Variants in IQSEC1 observed in about 807,000 individuals in gnomAD.
The protein encoded by IQSEC1 is IQ motif and Sec7 domain ArfGEF 1, also known as IQ motif and SEC7 domain-containing protein 1.
In IQSEC1, 31 loss-of-function variants were observed where a neutral mutation model predicts 91.0. The ratio of observed to expected loss-of-function variants is 0.34; its 90% confidence interval spans 0.26 to 0.46. IQSEC1 has a LOEUF of 0.46. Ranked by LOEUF, IQSEC1 falls within the 20% of genes least tolerant of loss-of-function variation. The probability of loss-of-function intolerance (pLI) is 1.00; values close to 1 mark genes in which losing one functional copy is unlikely to be tolerated. For synonymous variants in IQSEC1, 699 were observed against 662.6 expected, an observed-to-expected ratio of 1.05 and a Z score of -0.84; for missense variants, 1,388 against 1,575.6, an observed-to-expected ratio of 0.88 and a Z score of 2.02.
chr3:13,046,175 G>A (rs1228673231), intron 1 of IQSEC1, among the ~76,000 whole-genome samples: 2 of 152,240 alleles, frequency 1.3e-5, no homozygotes, highest in Admixed American at 6.5e-5. Context: ...GACGTCTGTG[G>A]AGTGGGCTAA....
intron 2 of IQSEC1, among the ~76,000 whole-genome samples, chr3:13,112,057 G>A (rs1027593445): frequency 6.6e-6 from 1 of 152,098 alleles, no homozygotes; most frequent in Non-Finnish European, 1.5e-5. Flanking sequence ...CTTTGCACAC[G>A]CTGTTCCCCT....
intron 1 of IQSEC1, among the ~76,000 whole-genome samples, chr3:13,204,805 CTTT>C (rs536785311): frequency 1.4e-5 from 2 of 139,140 alleles, no homozygotes. Flanking sequence ...ATCTTTCTTT[CTTT>C]TTTTTTTTTT....
chr3:12,927,776 G>A (rs1398849154), intron 3 of IQSEC1, among the ~76,000 whole-genome samples: 1 of 152,248 alleles, frequency 6.6e-6, no homozygotes, highest in Non-Finnish European at 1.5e-5. Flanking sequence ...TGCGGGTGCA[G>A]CTGAGAGGCC....
At chr3:13,025,187 G>A (rs1001545495) in intron 1 of IQSEC1, among the ~76,000 whole-genome samples, 16 of 152,346 alleles carry the variant, frequency 1.1e-4, no homozygotes, top group Admixed American at 7.8e-4. Flanking sequence ...GAAAGAGTGG[G>A]GGAAGCGAGG....
chr3:13,267,776 C>T (rs902332863), intron 1 of IQSEC1, among the ~76,000 whole-genome samples: 1 of 152,112 alleles, frequency 6.6e-6, no homozygotes, highest in African/African-American at 2.4e-5. Flanking sequence ...CACCACCTCA[C>T]CCGGCTAATT....
intron 1 of IQSEC1, among the ~76,000 whole-genome samples, chr3:13,238,395 C>A (rs1397290456): frequency 6.6e-6 from 1 of 152,204 alleles, no homozygotes; most frequent in Non-Finnish European, 1.5e-5. Context: ...ATTCCCTCTG[C>A]CAGGAATGCT....
At chr3:13,074,246 T>C (rs1559249430), upstream of IQSEC1, among the ~76,000 whole-genome samples, 1 of 152,122 alleles carries the variant, frequency 6.6e-6, no homozygotes. Flanking sequence ...CACGTGTGGC[T>C]GAGACTCGGA....
Position 12,983,817 on chromosome 3 carries a change from C to T in IQSEC1, c.24-41952G>A, listed in dbSNP as rs1701589814. ...CTTATGCCCAGCCTCAGCACGGCGC[C>T]TGGCACAACTAGCTGCTGGATAAAT... On this transcript the variant is annotated intron_variant, in intron 1 of 13. Coordinates refer to ENST00000613206, the MANE Select transcript of IQSEC1 (RefSeq NM_001134382.3). This position sits in a 1 kb window ranked among gnomAD's most constrained non-coding sequence, Gnocchi z 4.3. Among the ~76,000 whole-genome samples, 1 of 152,184 alleles carries T rather than the reference C, an allele frequency of 6.6e-6. No homozygotes were observed. Among genetic ancestry groups the T allele is most frequent in the African/African-American group, 2.4e-5 (1 of 41,446 alleles).
chr3:12,904,544 G>T (rs961023680), intron 12 of IQSEC1, among the ~76,000 whole-genome samples: 5 of 152,202 alleles, frequency 3.3e-5, no homozygotes, highest in Non-Finnish European at 7.3e-5. Flanking sequence ...AGTGGTCCAG[G>T]GACATGGAGC....
rs528249891 is a variant in IQSEC1 at position 13,225,212 on chromosome 3, C to T, written c.272+57499G>A. ...CCAGGAGTTGTATAACCCAATGGGG[C>T]ATGAACGTCCCTTTTGTCCCCTAAC... On this transcript the variant is annotated intron_variant, in intron 1 of 15. Coordinates refer to the IQSEC1 transcript ENST00000648114. 3.3e-4 allele frequency among the ~76,000 whole-genome samples: 51 copies of T among 152,370 alleles called. 1 individual carries two copies. In the South Asian group the frequency reaches 6.6e-3, roughly 20 times the overall value.
intron 2 of IQSEC1, among the ~76,000 whole-genome samples, chr3:13,092,882 G>A (rs1485489693): frequency 6.6e-6 from 1 of 152,128 alleles, no homozygotes; most frequent in African/African-American, 2.4e-5. Flanking sequence ...TTCGAGTCCC[G>A]GGGCCTTTGC....
intron 1 of IQSEC1, among the ~76,000 whole-genome samples, chr3:13,034,283 C>G (rs1009666541): frequency 1.3e-5 from 2 of 152,190 alleles, no homozygotes; most frequent in Non-Finnish European, 2.9e-5. Context: ...CTGTCCAAGC[C>G]GGTGGCTGCC....
In IQSEC1 at chr3:13,276,080, C is replaced by CTTTTTTTTTTTTTTTT. The variant is rs796663192; in HGVS notation, c.272+6615_272+6630dup. Among the ~76,000 whole-genome samples the CTTTTTTTTTTTTTTTT allele has an allele frequency of 7.5e-5, 6 of 79,552 alleles. 2 individuals are homozygous for CTTTTTTTTTTTTTTTT. The highest frequency in any genetic ancestry group is 2.5e-4 in the African/African-American group (6 of 24,178). 52.2% of individuals were successfully genotyped at this position (79,552 alleles called of 152,430 possible). ...AGGGAAAACAATCCTCAAAAGCATT[C>CTTTTTTTTTTTTTTTT]TTTTTTTTTTTTTTTTTTTTTTTTT... On this transcript the variant is annotated intron_variant, in intron 1 of 15. Coordinates refer to the IQSEC1 transcript ENST00000648114.
intron 2 of IQSEC1, among the ~76,000 whole-genome samples, chr3:13,105,067 T>C (rs946786553): frequency 6.6e-6 from 1 of 152,124 alleles, no homozygotes; most frequent in Non-Finnish European, 1.5e-5. Context: ...GGGCAGTCTG[T>C]CGGCTGCTAG....
rs187266572 is a variant in IQSEC1, at chr3:13,158,523, G to A, written c.302+5581C>T. Among the ~76,000 whole-genome samples the A allele has an allele frequency of 2.7e-3, 405 of 152,240 alleles. 2 individuals carry two copies. The highest frequency in any genetic ancestry group is 4.5e-3 in the Non-Finnish European group (309 of 68,026). ...GTCAATGCTGGTAACCAGGCCCACC[G>A]TCTCCAGAATCTCCCCCACCATCCC... On this transcript the variant is annotated intron_variant, in intron 2 of 15. Transcript: ENST00000648114.
At chr3:13,199,874 C>CCA (rs796695094) in intron 1 of IQSEC1, among the ~76,000 whole-genome samples, 1 of 151,206 alleles carries the variant, frequency 6.6e-6, no homozygotes, top group Non-Finnish European at 1.5e-5. Flanking sequence ...CACACATATG[C>CCA]CACACACACA....
At chr3:12,910,387 T>A (rs1695450738) in intron 10 of IQSEC1, among the ~76,000 whole-genome samples, 1 of 152,268 alleles carries the variant, frequency 6.6e-6, no homozygotes, top group East Asian at 1.9e-4. Context: ...TCCACAGTGG[T>A]CCTGGCCCCC....
intron 1 of IQSEC1, among the ~76,000 whole-genome samples, chr3:13,164,332 A>T (rs1271235207): frequency 4.0e-5 from 6 of 151,640 alleles, no homozygotes; most frequent in Admixed American, 1.3e-4. Flanking sequence ...CAGAAAGTCC[A>T]CTCTTCTTAG....
chr3:13,068,101 A>G (rs1705295722), intron 1 of IQSEC1, among the ~76,000 whole-genome samples: 1 of 152,238 alleles, frequency 6.6e-6, no homozygotes, highest in South Asian at 2.1e-4. Context: ...ACTTGGGAAA[A>G]GATGCTGACC....
Sources: gnomAD v4.1 joint callset for allele counts (sites outside exome capture counted in the v4.1 genomes callset) on GRCh38, gnomAD v4.1.1 for gene constraint, Gnocchi (gnomAD v3.1) non-coding constraint, MANE v1.5 for transcripts, NCBI Gene and HGNC (gene_info 2026-07-23, HGNC 2026-07-21) for gene names.